SMAD2: variants seen among roughly 807,000 people sequenced by gnomAD.
SMAD2 encodes the protein SMAD family member 2, also known as MAD homolog 2.
A neutral mutation model predicts 64.4 loss-of-function variants in SMAD2; 8 were observed. That is an observed-to-expected ratio of 0.12 (90% confidence interval 0.07 to 0.22). SMAD2 has a LOEUF of 0.22. SMAD2 is among the 10% of genes least tolerant of loss of function. The pLI, the probability that SMAD2 is intolerant of heterozygous loss-of-function variation, is 1.00. For synonymous variants in SMAD2, 203 were observed against 195.8 expected, an observed-to-expected ratio of 1.04 and a Z score of -0.31; for missense variants, 289 against 561.2, an observed-to-expected ratio of 0.51 and a Z score of 4.90.
chr18:47,868,324 T>C lies in SMAD2; in HGVS notation c.654A>G (p.Pro218=). The change falls in exon 5 of 11, where the codon CCA becomes CCG. Residue 218 remains proline, a splice_region_variant and synonymous_variant. Coordinates refer to ENST00000262160, the MANE Select transcript of SMAD2 (RefSeq NM_005901.6). ...AGGAGATTCAGAAGGCAAAAATACCTGGAATATAATTACTCTGTGGCTCAA... is the reference window on the plus strand; with the variant it reads ...AGGAGATTCAGAAGGCAAAAATACCCGGAATATAATTACTCTGTGGCTCAA... ...AGIEPQSNYI[P]ETPPPGYISE... 1 of 1,612,906 alleles carries C rather than the reference T, an allele frequency of 6.2e-7. No homozygotes were observed. The highest frequency in any genetic ancestry group is 8.5e-7 in the Non-Finnish European group (1 of 1,179,144).
At chr18:47,864,541 C>T (rs747438625) in intron 6 of SMAD2, among the ~76,000 whole-genome samples, 1 of 152,074 alleles carries the variant, frequency 6.6e-6, no homozygotes, top group Non-Finnish European at 1.5e-5. Flanking sequence ...CATTTTATTA[C>T]GTAAGACGTG....
In SMAD2 at chr18:47,829,831, A is replaced by G. The variant is rs1264966222; in HGVS notation, c.*11996T>C. On this transcript the variant is annotated 3_prime_UTR_variant, in exon 11 of 11. Coordinates refer to ENST00000262160, the MANE Select transcript of SMAD2 (RefSeq NM_005901.6). ...TTGTATGTTAAATTTAAGCATCTGA[A>G]TTCCGAAATGATAAAGAACAGGAAA... The G allele has an allele frequency of 5.3e-5, 8 of 152,250 alleles. No individual in the cohort carries two copies. Among genetic ancestry groups the G allele is most frequent in the Admixed American group, 4.6e-4 (7 of 15,290 alleles). The allele number at this position is 152,250 out of a possible 1,614,324, so 9.4% of individuals were successfully genotyped here. A position where few individuals can be genotyped will look rare whatever the true frequency, so the allele number is the denominator to read the frequency against.
chr18:47,893,150 G>A (rs1039086614), intron 2 of SMAD2, among the ~76,000 whole-genome samples: 18 of 152,166 alleles, frequency 1.2e-4, no homozygotes, highest in African/African-American at 4.3e-4. Flanking sequence ...TTAGCTCACT[G>A]CAGCTTTTAT....
chr18:47,863,314 AT>A (rs34872097), intron 6 of SMAD2, among the ~76,000 whole-genome samples: 86,995 of 151,918 alleles, frequency 0.57, 25,280 homozygotes, highest in East Asian at 0.82. Flanking sequence ...CCATACAGTA[AT>A]TTTTAAACCT....
chr18:47,849,739 G>A (rs1412206831), intron 7 of SMAD2, among the ~76,000 whole-genome samples: 1 of 152,042 alleles, frequency 6.6e-6, no homozygotes, highest in Non-Finnish European at 1.5e-5. Context: ...CCAGCACGAT[G>A]GCTCACGCCT....
chr18:47,901,654 T>A (rs543399447), intron 1 of SMAD2, among the ~76,000 whole-genome samples: 4 of 152,304 alleles, frequency 2.6e-5, no homozygotes, highest in African/African-American at 9.6e-5. Context: ...ACATATACTT[T>A]TACTACTTCC....
intron 1 of SMAD2, among the ~76,000 whole-genome samples, chr18:47,925,670 TCTAA>T (rs1054345882): frequency 2.0e-5 from 3 of 152,146 alleles, no homozygotes; most frequent in African/African-American, 2.4e-5. Context: ...GCAATAAGCC[TCTAA>T]CTATGCATTT....
In SMAD2 at chr18:47,851,381, G is replaced by A. The variant is rs187015964; in HGVS notation, c.731-54C>T. ...AAGTATTTCCAGAACTTCTGATCAA[G>A]TAATCATAAAACTAGCTTTATCTGG... On this transcript the variant is annotated intron_variant, in intron 6 of 10. Transcript: ENST00000262160. 7.6e-6 allele frequency: 9 copies of A among 1,181,398 alleles called. No homozygotes were observed. The East Asian group carries it at 1.4e-4, about 19-fold the overall frequency. The allele number at this position is 1,181,398 out of a possible 1,614,324, so 73.2% of individuals were successfully genotyped here.
chr18:47,856,656 G>C (rs535422828), intron 6 of SMAD2, among the ~76,000 whole-genome samples: 1 of 152,078 alleles, frequency 6.6e-6, no homozygotes, highest in Non-Finnish European at 1.5e-5. Context: ...GACATATAGT[G>C]TAATAAACAA....
rs528412789 is a variant in SMAD2 at position 47,818,721 on chromosome 18, T to C, written c.*23106A>G. 3 of 152,314 alleles carry C rather than the reference T, an allele frequency of 2.0e-5. No homozygotes were observed. In the South Asian group the frequency reaches 6.2e-4, roughly 32 times the overall value. 9.4% of individuals were successfully genotyped at this position (152,314 alleles called of 1,614,324 possible). A position where few individuals can be genotyped will look rare whatever the true frequency, so the allele number is the denominator to read the frequency against. On this transcript the variant is annotated 3_prime_UTR_variant, in exon 11 of 11. Coordinates refer to ENST00000262160, the MANE Select transcript of SMAD2 (RefSeq NM_005901.6). Reference sequence around the variant, plus strand: ...CATTTAAATATTAACATTAAACTCATTTGAAACTGAAAAAAGGGAAAAAAG... The same window carrying C: ...CATTTAAATATTAACATTAAACTCACTTGAAACTGAAAAAAGGGAAAAAAG...
intron 2 of SMAD2, among the ~76,000 whole-genome samples, chr18:47,883,079 T>C (rs759091421): frequency 6.6e-6 from 1 of 152,190 alleles, no homozygotes; most frequent in South Asian, 2.1e-4. Context: ...CTCTTAATTT[T>C]ATTATTTCTT....
At chr18:47,870,950 A>T (rs1448799640) in intron 2 of SMAD2, among the ~76,000 whole-genome samples, 1 of 152,226 alleles carries the variant, frequency 6.6e-6, no homozygotes, top group Non-Finnish European at 1.5e-5. Flanking sequence ...ACAGATGTCA[A>T]CTGATTTTTA....
In SMAD2 at chr18:47,850,295, A is replaced by T. The variant is rs1348664225; in HGVS notation, c.784+979T>A. Reference sequence around the variant, plus strand: ...ATTATATATTATATATATTATGTATAATATATATTATGTATGTTATATACA... The same window carrying T: ...ATTATATATTATATATATTATGTATTATATATATTATGTATGTTATATACA... On this transcript the variant is annotated intron_variant, in intron 7 of 10. Transcript: ENST00000262160. 8.2e-4 allele frequency among the ~76,000 whole-genome samples: 37 copies of T among 45,062 alleles called. No individual in the cohort carries two copies. In the East Asian group the frequency reaches 0.011, roughly 13 times the overall value. The allele number at this position is 45,062 out of a possible 152,430, so 29.6% of individuals were successfully genotyped here.
chr18:47,835,020 A>G lies in SMAD2; in HGVS notation c.*6807T>C, dbSNP rs1804814930. The G allele has an allele frequency of 4.5e-6, 1 of 221,200 alleles. No individual in the cohort carries two copies. Among genetic ancestry groups the G allele is most frequent in the Admixed American group, 5.8e-5 (1 of 17,332 alleles). The allele number at this position is 221,200 out of a possible 1,614,324, so 13.7% of individuals were successfully genotyped here. On this transcript the variant is annotated 3_prime_UTR_variant, in exon 11 of 11. Coordinates refer to ENST00000262160, the MANE Select transcript of SMAD2 (RefSeq NM_005901.6). ...GAAAGGAATATTCTCAGATATGAACATTTTTTATTCTGCCTACAATGCTGT... is the reference window on the plus strand; with the variant it reads ...GAAAGGAATATTCTCAGATATGAACGTTTTTTATTCTGCCTACAATGCTGT...
Position 47,839,263 on chromosome 18 carries a change from A to C in SMAD2, c.*2564T>G, listed in dbSNP as rs143195207. On this transcript the variant is annotated 3_prime_UTR_variant, in exon 11 of 11. Coordinates refer to ENST00000262160, the MANE Select transcript of SMAD2 (RefSeq NM_005901.6). ...CAGCATAGTAGGCACTGCTTGACCT[A>C]ACACAGTAATGCAAGAGTAACCACC... is the stretch of plus-strand genomic sequence containing the variant. 4.3e-6 allele frequency: 1 copy of C among 233,376 alleles called. No individual in the cohort carries two copies. The highest frequency in any genetic ancestry group is 8.5e-6 in the Non-Finnish European group (1 of 118,048). The allele number at this position is 233,376 out of a possible 1,614,324, so 14.5% of individuals were successfully genotyped here.
At chr18:47,853,619 C>T (rs2030367792) in intron 6 of SMAD2, among the ~76,000 whole-genome samples, 1 of 151,282 alleles carries the variant, frequency 6.6e-6, no homozygotes, top group African/African-American at 2.4e-5. Context: ...AAATACCAGG[C>T]AATAAAGGTG....
At chr18:47,869,219 G>GA (rs757736387) in intron 4 of SMAD2, 24 bp downstream of exon 4, 7 of 1,585,364 alleles carry the variant, frequency 4.4e-6, no homozygotes, top group East Asian at 2.2e-5. Context: ...TCAAAACCAA[G>GA]AAAAAAACTT....
intron 7 of SMAD2, 34 bp from the exon 8 acceptor site, chr18:47,848,721 G>A (rs2144301324): frequency 7.0e-7 from 1 of 1,427,804 alleles, no homozygotes; most frequent in Middle Eastern, 2.0e-4. Context: ...ATAATAAAAG[G>A]AAGAAATGCG....
At chr18:47,847,123 A>G (rs1255096166) in intron 8 of SMAD2, among the ~76,000 whole-genome samples, 1 of 152,190 alleles carries the variant, frequency 6.6e-6, no homozygotes, top group East Asian at 1.9e-4. Context: ...GAAGAGAATA[A>G]GGCAGAGAAA....
Sources: allele counts gnomAD v4.1 joint callset (sites outside exome capture counted in the v4.1 genomes callset), GRCh38; gene constraint gnomAD v4.1.1; transcripts MANE v1.5; gene names NCBI Gene and HGNC (gene_info 2026-07-23, HGNC 2026-07-21).